The following PATL1 variants were observed in gnomAD, a reference collection of about 807,000 sequenced individuals.
The protein encoded by PATL1 is protein PAT1 homolog 1.
A neutral mutation model predicts 100.6 loss-of-function variants in PATL1; 32 were observed. The ratio of observed to expected loss-of-function variants is 0.32; its 90% CI spans 0.24 to 0.43. The LOEUF (loss-of-function observed/expected upper bound fraction) is 0.43, where lower values mean the gene tolerates loss of function less well. Among genes scored for constraint, PATL1 ranks in the 20% least tolerant of loss-of-function variants. PATL1 has a pLI of 1.00. For synonymous variants in PATL1, 332 were observed against 330.0 expected, an observed-to-expected ratio of 1.01 and a Z score of -0.07; for missense variants, 747 against 949.9, an observed-to-expected ratio of 0.79 and a Z score of 2.81.
chr11:59,650,714 C>T (rs749103379), intron 13 of PATL1, 40 bp downstream of exon 13: 175 of 1,398,862 alleles, frequency 1.3e-4, no homozygotes, highest in East Asian at 2.5e-4. Context: ...TTGACAGTTC[C>T]GTATTTGAAA....
At chr11:59,667,077 T>A in intron 1 of PATL1, 113 bp from the exon 2 acceptor site, 1 of 1,422,254 alleles carries the variant, frequency 7.0e-7, no homozygotes, top group Non-Finnish European at 9.1e-7. Context: ...TCATTATGAC[T>A]TTTTGTAAAG....
rs113649888 is a variant in PATL1 at position 59,656,559 on chromosome 11, T to C, written c.663A>G (p.Pro221=). The C allele has an allele frequency of 2.5e-6, 4 of 1,613,942 alleles. No individual in the cohort carries two copies. Among genetic ancestry groups the C allele is most frequent in the African/African-American group, 2.7e-5 (2 of 75,024 alleles). The part of the protein sequence containing the change: ...PKPVHVRPPM[P]PRYPAPYGER... The stretch of plus-strand genomic sequence containing the variant: ...CACCATAGGGAGCAGGATAACGAGG[T>C]GGCATTGGGGGCCGAACATGGACAG... The change falls in exon 6 of 19, where the codon CCA becomes CCG. Residue 221 remains proline (P), a synonymous_variant. Transcript: ENST00000300146.
chr11:59,657,657 T>C lies in PATL1; in HGVS notation c.494A>G (p.Asp165Gly). ...PQRPPQGPED[D>G]RDLSERALPR... ...TAATGCTCGTTCAGAAAGGTCCCGA[T>C]CATCTTCTGGACCCTGGGGGGGCCT... The change falls in exon 5 of 19, where the codon GAT (aspartate) becomes GGT (glycine). Residue 165 changes from aspartate to glycine, a missense_variant. Asp to Gly is a moderately conservative substitution (Grantham distance 94, BLOSUM62 -1). Coordinates refer to ENST00000300146, the MANE Select transcript of PATL1 (RefSeq NM_152716.3). The C allele has an allele frequency of 6.2e-7, 1 of 1,613,718 alleles. No homozygotes were observed. Among genetic ancestry groups the C allele is most frequent in the Non-Finnish European group, 8.5e-7 (1 of 1,179,744 alleles).
chr11:59,653,779 T>G (rs2134750770), intron 9 of PATL1, among the ~76,000 whole-genome samples: 1 of 152,334 alleles, frequency 6.6e-6, no homozygotes, highest in Middle Eastern at 3.4e-3. Flanking sequence ...CCTTTTAGTT[T>G]TACATAAATG....
intron 2 of PATL1, among the ~76,000 whole-genome samples, chr11:59,662,202 T>C (rs1371811956): frequency 1.3e-5 from 2 of 152,228 alleles, no homozygotes; most frequent in African/African-American, 4.8e-5. Flanking sequence ...TTAGTTGTGG[T>C]AAGGGATTCC....
chr11:59,658,178 G>C (rs1365507994), intron 4 of PATL1, among the ~76,000 whole-genome samples: 1 of 150,144 alleles, frequency 6.7e-6, no homozygotes, highest in Admixed American at 6.6e-5. Context: ...AAAAAAAAAA[G>C]AAAGAAAGAG....
chr11:59,652,090 AAAGAC>A (rs1861455737), intron 11 of PATL1, among the ~76,000 whole-genome samples: 3 of 138,488 alleles, frequency 2.2e-5, no homozygotes, highest in Non-Finnish European at 4.7e-5. Flanking sequence ...AAAAAAAAAA[AAAGAC>A]AAAAAATCAA....
chr11:59,667,012 A>C (rs1861700193), intron 1 of PATL1, 48 bp from the exon 2 acceptor site: 1 of 1,517,542 alleles, frequency 6.6e-7, no homozygotes, highest in South Asian at 1.3e-5. Context: ...TCACACCCTC[A>C]TTTTAAAAAT....
At chr11:59,662,044 A>T (rs1189297698) in intron 2 of PATL1, among the ~76,000 whole-genome samples, 1 of 152,214 alleles carries the variant, frequency 6.6e-6, no homozygotes, top group African/African-American at 2.4e-5. Context: ...TTACATTAAC[A>T]GTTAAAATTT....
chr11:59,659,377 C>T lies in PATL1; in HGVS notation c.220G>A (p.Asp74Asn), dbSNP rs372793509. Residue 74 changes from aspartate (D) to asparagine (N), a missense_variant, in exon 3 of 19, where the codon GAT becomes AAT. Around this residue, in one of 4 missense-constraint regions of PATL1, gnomAD observed 183 missense variants for 221.2 expected, o/e 0.83. Transcript: ENST00000300146. Reference protein sequence around the residue: ...VNEQTGNGERDEMDLLGDHEE... With the variant: ...VNEQTGNGERNEMDLLGDHEE... ...TGGTCACCCAACAAGTCCATTTCAT[C>T]TCTCTCTCCATTGCCTGTTTGTTCA... 1.3e-4 allele frequency: 205 copies of T among 1,551,242 alleles called. No individual in the cohort carries two copies. Among genetic ancestry groups the T allele is most frequent in the Non-Finnish European group, 1.7e-4 (195 of 1,146,832 alleles).
chr11:59,650,921 A>C, intron 12 of PATL1, 108 bp from the exon 13 acceptor site: 1 of 771,332 alleles, frequency 1.3e-6, no homozygotes, highest in Non-Finnish European at 2.0e-6. Context: ...AAGATAATTG[A>C]TTCTCTGAAA....
intron 16 of PATL1, 93 bp downstream of exon 16, chr11:59,642,787 C>T: frequency 7.4e-7 from 1 of 1,352,678 alleles, no homozygotes; most frequent in East Asian, 2.4e-5. Flanking sequence ...AGCCTTTTTC[C>T]CAAGTTGCTA....
chr11:59,641,769 T>G (rs1041333753), intron 16 of PATL1, among the ~76,000 whole-genome samples: 2 of 152,068 alleles, frequency 1.3e-5, no homozygotes, highest in Non-Finnish European at 1.5e-5. Context: ...AAAAATCCCT[T>G]TTCATGTTAT....
Position 59,658,866 on chromosome 11 carries a change from C to G in PATL1, c.426G>C (p.Gln142His). The G allele has an allele frequency of 6.5e-7, 1 of 1,544,528 alleles. No individual in the cohort carries two copies. The highest frequency in any genetic ancestry group is 8.7e-7 in the Non-Finnish European group (1 of 1,145,104). Reference sequence around the variant, plus strand: ...TATGTAAAGAGAAAATATTTAATACCTGAGCAAGCAGTGGTCCTCGGATTC... The same window carrying G: ...TATGTAAAGAGAAAATATTTAATACGTGAGCAAGCAGTGGTCCTCGGATTC... The part of the protein sequence containing the change: ...LRRIRGPLLA[Q>H]EMPTVSVLEY... The change falls in exon 4 of 19, where the codon CAG becomes CAC. Residue 142 changes from glutamine to histidine, a missense_variant and splice_region_variant. Physicochemically the swap from Gln to His is conservative, Grantham distance 24. Coordinates refer to ENST00000300146, the MANE Select transcript of PATL1 (RefSeq NM_152716.3).
chr11:59,651,157 T>C (rs967071567), intron 12 of PATL1, among the ~76,000 whole-genome samples: 1 of 152,192 alleles, frequency 6.6e-6, no homozygotes, highest in African/African-American at 2.4e-5. Flanking sequence ...GGTAAACTTA[T>C]GTCATGGGGG....
rs754192702 is a variant in PATL1, at chr11:59,649,457, C to A, written c.1733+5G>T. 6 of 1,613,286 alleles carry A rather than the reference C, an allele frequency of 3.7e-6. No individual in the cohort carries two copies. Among genetic ancestry groups the A allele is most frequent in the African/African-American group, 1.3e-5 (1 of 74,902 alleles). On this transcript the variant is annotated splice_donor_5th_base_variant and intron_variant, in intron 14 of 18. Coordinates refer to ENST00000300146, the MANE Select transcript of PATL1 (RefSeq NM_152716.3). ...AATGTTTTCCTCAAACTGCACGATG[C>A]TTACCTCTCTTGTCCAGGCAATTTC...
At chr11:59,645,381 C>T in intron 15 of PATL1, among the ~76,000 whole-genome samples, 6 of 144,260 alleles carry the variant, frequency 4.2e-5, no homozygotes, top group African/African-American at 7.8e-5. Context: ...CCCTCACTTC[C>T]CCCCCCATCC....
chr11:59,660,375 A>G (rs1861610949), intron 2 of PATL1, among the ~76,000 whole-genome samples: 1 of 152,212 alleles, frequency 6.6e-6, no homozygotes, highest in African/African-American at 2.4e-5. Flanking sequence ...AATAAGCATA[A>G]TGATTAGATA....
chr11:59,655,512 A>C lies in PATL1; in HGVS notation c.1031+11T>G, dbSNP rs1190665810. 3 of 1,547,098 alleles carry C rather than the reference A, an allele frequency of 1.9e-6. No individual in the cohort carries two copies. The highest frequency in any genetic ancestry group is 2.6e-6 in the Non-Finnish European group (3 of 1,142,198). The stretch of plus-strand genomic sequence containing the variant: ...TGATAACTGATAAACAGTGGCGTTG[A>C]TTTTGTATACCTTAGGTTTTGCAGG... On this transcript the variant is annotated intron_variant, in intron 8 of 18. Coordinates refer to ENST00000300146, the MANE Select transcript of PATL1 (RefSeq NM_152716.3).
Sources: allele counts gnomAD v4.1 joint callset (sites outside exome capture counted in the v4.1 genomes callset), GRCh38; gene constraint gnomAD v4.1.1; regional missense constraint gnomAD v4.1.1; transcripts MANE v1.5; gene names NCBI Gene and HGNC (gene_info 2026-07-23, HGNC 2026-07-21).